The following SPEF2 variants were observed in gnomAD, a reference collection of about 807,000 sequenced individuals.
SPEF2 encodes the protein sperm flagellar and cilia associated 2, also known as sperm flagella and cilia-associated protein 2.
SPEF2 carries 187 observed loss-of-function variants against 224.6 expected under a neutral mutation model. The observed-to-expected ratio is 0.83, with a 90% CI of 0.74 to 0.94. SPEF2 has a LOEUF of 0.94. Ranked by LOEUF, SPEF2 falls within the 40% of genes least tolerant of loss-of-function variation. The pLI is 0.00. For synonymous variants in SPEF2, 715 were observed against 707.3 expected, an observed-to-expected ratio of 1.01 and a Z score of -0.17; for missense variants, 2,170 against 2,135.6, an observed-to-expected ratio of 1.02 and a Z score of -0.32.
intron 29 of SPEF2, among the ~76,000 whole-genome samples, chr5:35,777,924 C>T (rs577437604): frequency 1.3e-5 from 2 of 152,154 alleles, no homozygotes; most frequent in Non-Finnish European, 1.5e-5. Context: ...TTTGGAGTCC[C>T]TCCTCACTCA....
At chr5:35,813,868 C>G (rs1758682983) in intron 36 of SPEF2, among the ~76,000 whole-genome samples, 1 of 151,366 alleles carries the variant, frequency 6.6e-6, no homozygotes, top group African/African-American at 2.4e-5. Flanking sequence ...AAATGCAGTT[C>G]TGTATTTTTC....
At chr5:35,757,898 C>T (rs1750682250) in intron 24 of SPEF2, among the ~76,000 whole-genome samples, 1 of 152,090 alleles carries the variant, frequency 6.6e-6, no homozygotes, top group Non-Finnish European at 1.5e-5. Flanking sequence ...TTCAAGTTCA[C>T]CAAATTAATT....
intron 7 of SPEF2, among the ~76,000 whole-genome samples, chr5:35,657,307 T>A (rs2149444206): frequency 6.6e-6 from 1 of 152,282 alleles, no homozygotes; most frequent in African/African-American, 2.4e-5. Context: ...AGTTGATATC[T>A]TGCCTACTGA....
At chr5:35,807,719 A>G (rs1758250916) in intron 36 of SPEF2, 4 of 1,536,118 alleles carry the variant, frequency 2.6e-6, no homozygotes, top group Non-Finnish European at 3.5e-6. Flanking sequence ...AGTGTGCAAG[A>G]TGGAGAAACT....
At position 35,795,783 on chromosome 5, in the gene SPEF2, G is replaced by T. The variant is rs1273446599; in HGVS notation, c.4818G>T (p.Glu1606Asp). 1.2e-6 allele frequency: 2 copies of T among 1,611,828 alleles called. No individual in the cohort carries two copies. Among genetic ancestry groups the T allele is most frequent in the Non-Finnish European group, 1.7e-6 (2 of 1,178,080 alleles). The change falls in exon 33 of 37, where the codon GAG becomes GAT. Residue 1606 changes from glutamate (E) to aspartate (D), a missense_variant. Glu to Asp is a conservative substitution (Grantham distance 45, BLOSUM62 2). Transcript: ENST00000356031. ...AACCCCTTCCATTTAATAGGCAGGA[G>T]CATCTTATAGAGGTAATGACTGAGA... ...PLEPLPFNRQ[E>D]HLIEFFFRLF... is the part of the protein sequence containing the mutation.
chr5:35,703,781 GTATT>G (rs1311398217), intron 16 of SPEF2, among the ~76,000 whole-genome samples: 3 of 152,136 alleles, frequency 2.0e-5, no homozygotes, highest in Admixed American at 6.5e-5. Context: ...GCATCATTCT[GTATT>G]CTAAATTCAT....
chr5:35,719,368 G>A (rs1743200050), intron 20 of SPEF2, among the ~76,000 whole-genome samples: 1 of 152,128 alleles, frequency 6.6e-6, no homozygotes, highest in Non-Finnish European at 1.5e-5. Context: ...AGGACTGAAT[G>A]GTTTGCAAAA....
intron 34 of SPEF2, among the ~76,000 whole-genome samples, chr5:35,804,041 C>A (rs1170759579): frequency 6.7e-6 from 1 of 149,150 alleles, no homozygotes; most frequent in African/African-American, 2.5e-5. Flanking sequence ...AAATTGTGAG[C>A]TTGAATCTCT....
At chr5:35,742,029 A>C (rs1747728661) in intron 23 of SPEF2, among the ~76,000 whole-genome samples, 1 of 152,212 alleles carries the variant, frequency 6.6e-6, no homozygotes, top group African/African-American at 2.4e-5. Context: ...AAAATGACAA[A>C]TCCCTAATAG....
At chr5:35,813,346 G>A (rs1176239222) in intron 36 of SPEF2, among the ~76,000 whole-genome samples, 1 of 151,992 alleles carries the variant, frequency 6.6e-6, no homozygotes, top group Non-Finnish European at 1.5e-5. Context: ...TTTAAAATTA[G>A]CTGGACATGG....
chr5:35,674,573 T>G lies in SPEF2; in HGVS notation c.1524+4346T>G, dbSNP rs1210165140. Among the ~76,000 whole-genome samples, 9 of 131,672 alleles carry G rather than the reference T, an allele frequency of 6.8e-5. No homozygotes were observed. In the East Asian group the frequency reaches 2.1e-3, roughly 31 times the overall value. 86.4% of individuals were successfully genotyped at this position (131,672 alleles called of 152,430 possible). A position where few individuals can be genotyped will look rare whatever the true frequency, so the allele number is the denominator to read the frequency against. ...CCCTCGTGTGTGATGTTCCCCTTCCTTTGTCCATGTGTTCTCATTGTTCAA... is the reference window on the plus strand; with the variant it reads ...CCCTCGTGTGTGATGTTCCCCTTCCGTTGTCCATGTGTTCTCATTGTTCAA... On this transcript the variant is annotated intron_variant, in intron 10 of 36. Transcript: ENST00000356031.
Position 35,700,563 on chromosome 5 carries a change from C to A in SPEF2, c.2209C>A (p.Leu737Met). The change falls in exon 16 of 37, where the codon CTG (leucine) becomes ATG (methionine). Residue 737 changes from leucine (L) to methionine (M), a missense_variant. Coordinates refer to ENST00000356031, the MANE Select transcript of SPEF2 (RefSeq NM_024867.4). ...AATGACTTTAAACCAAGCACAGCTTCTGGAAGAAGCTCTTACAGGCTGCAA... is the reference window on the plus strand; with the variant it reads ...AATGACTTTAAACCAAGCACAGCTTATGGAAGAAGCTCTTACAGGCTGCAA... ...FPMTLNQAQLLEEALTGCNRN... is the reference protein window; with the variant it reads ...FPMTLNQAQLMEEALTGCNRN... The A allele has an allele frequency of 1.2e-6, 2 of 1,613,836 alleles. No homozygotes were observed. Among genetic ancestry groups the A allele is most frequent in the Non-Finnish European group, 1.7e-6 (2 of 1,179,924 alleles).
intron 25 of SPEF2, among the ~76,000 whole-genome samples, chr5:35,761,887 A>G (rs1226176485): frequency 6.6e-6 from 1 of 152,214 alleles, no homozygotes; most frequent in Non-Finnish European, 1.5e-5. Flanking sequence ...ACTCTGCACC[A>G]GTCTCAGCCT....
At position 35,715,815 on chromosome 5, in the gene SPEF2, T is replaced by TC. The variant is rs796821118; in HGVS notation, c.2914+2930dup. Among the ~76,000 whole-genome samples the TC allele has an allele frequency of 3.9e-3, 293 of 74,860 alleles. 10 individuals carry two copies. Among genetic ancestry groups the TC allele is most frequent in the African/African-American group, 0.013 (261 of 19,656 alleles). 49.1% of individuals were successfully genotyped at this position (74,860 alleles called of 152,430 possible). The stretch of plus-strand genomic sequence containing the variant: ...TTCTGTGAAATAGGGGGATATAATT[T>TC]CTTTTTTTTTTTTTTTTTGAGACAG... On this transcript the variant is annotated intron_variant, in intron 20 of 36. Transcript: ENST00000356031.
chr5:35,740,713 A>G (rs965038256), intron 23 of SPEF2, among the ~76,000 whole-genome samples: 9 of 152,300 alleles, frequency 5.9e-5, no homozygotes, highest in Admixed American at 1.3e-4. Flanking sequence ...TAAATACTAC[A>G]CATCTTTGTA....
rs376601933 is a variant in SPEF2, at chr5:35,644,504, A to T, written c.564A>T (p.Gln188His). 22 of 1,602,944 alleles carry T rather than the reference A, an allele frequency of 1.4e-5. No homozygotes were observed. Among genetic ancestry groups the T allele is most frequent in the Non-Finnish European group, 1.5e-5 (18 of 1,176,854 alleles). ...GATTTCAAAAACTCAAGGAAGAGCA[A>T]AGATGTTTTGATATTGAAAAGGTTC... is the stretch of plus-strand genomic sequence containing the variant. ...LERFQKLKEEQRCFDIEKQYL... is the reference protein window; with the variant it reads ...LERFQKLKEEHRCFDIEKQYL... Residue 188 changes from glutamine to histidine, a missense_variant, in exon 4 of 37, where the codon CAA (glutamine) becomes CAT (histidine). Gln to His is a conservative substitution (Grantham distance 24). Coordinates refer to ENST00000356031, the MANE Select transcript of SPEF2 (RefSeq NM_024867.4).
chr5:35,741,825 C>T (rs1394047832), intron 23 of SPEF2, among the ~76,000 whole-genome samples: 1 of 152,106 alleles, frequency 6.6e-6, no homozygotes, highest in Non-Finnish European at 1.5e-5. Context: ...AACTTTTTTT[C>T]TGTTTTCTTT....
intron 2 of SPEF2, among the ~76,000 whole-genome samples, chr5:35,633,405 A>AC (rs1366981758): frequency 1.3e-5 from 2 of 152,148 alleles, no homozygotes; most frequent in Admixed American, 1.3e-4. Flanking sequence ...ATCAAGTAAT[A>AC]CTTTTTTTTC....
intron 15 of SPEF2, chr5:35,700,194 C>T (rs1738315387): frequency 7.1e-6 from 2 of 282,964 alleles, no homozygotes; most frequent in Admixed American, 4.7e-5. Context: ...GTAAATTGCC[C>T]AGTCTTGGGT....
Sources: allele counts gnomAD v4.1 joint callset (sites outside exome capture counted in the v4.1 genomes callset), GRCh38; gene constraint gnomAD v4.1.1; transcripts MANE v1.5; gene names NCBI Gene and HGNC (gene_info 2026-07-23, HGNC 2026-07-21).